The following FLNB variants were observed in gnomAD, a reference collection of about 807,000 sequenced individuals.
FLNB encodes filamin-B.
Under a neutral mutation model 250.6 loss-of-function variants are expected in FLNB, and 111 were observed. The ratio of observed to expected loss-of-function variants is 0.44; its 90% CI spans 0.38 to 0.52. The LOEUF is 0.52. Among genes scored for constraint, FLNB ranks in the 20% least tolerant of loss-of-function variants. The probability of loss-of-function intolerance (pLI) is 0.00; values close to 1 mark genes in which losing one functional copy is unlikely to be tolerated. For synonymous variants in FLNB, 1,302 were observed against 1,372.1 expected (o/e 0.95, Z 1.13); for missense variants, 2,869 against 3,447.8 (o/e 0.83, Z 4.20).
In FLNB at chr3:58,148,791, C is replaced by T. The variant is rs770306813; in HGVS notation, c.6030C>T (p.Arg2010=). The change falls in exon 36 of 46, where the codon CGC becomes CGT. Residue 2010 remains arginine, a synonymous_variant. Coordinates refer to ENST00000295956, the MANE Select transcript of FLNB (RefSeq NM_001457.4). Reference sequence around the variant, plus strand: ...CCCGCCGAGCCAAAGTCTATGGCCGCGGCCTGTCAGAAGGCCGGACTTTCG... The same window carrying T: ...CCCGCCGAGCCAAAGTCTATGGCCGTGGCCTGTCAGAAGGCCGGACTTTCG... The part of the protein sequence containing the change: ...GDARRAKVYG[R]GLSEGRTFEM... 44 of 1,613,916 alleles carry T rather than the reference C, an allele frequency of 2.7e-5. No homozygotes were observed. In the African/African-American group the frequency reaches 4.8e-4, roughly 18 times the overall value.
At chr3:58,141,359 C>A (rs1300999102) in intron 29 of FLNB, among the ~76,000 whole-genome samples, 1 of 152,220 alleles carries the variant, frequency 6.6e-6, no homozygotes, top group Non-Finnish European at 1.5e-5. Context: ...TACCTACTTA[C>A]ACTTCACACA....
At chr3:58,076,819 C>T (rs1444755769) in intron 1 of FLNB, among the ~76,000 whole-genome samples, 1 of 152,124 alleles carries the variant, frequency 6.6e-6, no homozygotes, top group African/African-American at 2.4e-5. Flanking sequence ...CTTACATGCT[C>T]ATGAACCCAT....
In FLNB at chr3:58,126,858, G is replaced by C. The variant is rs570736101; in HGVS notation, c.4222+96G>C. ...TCTCTCTGAGTGGGGAAAACAATCT[G>C]ATATTTGTAATAGCTGCAAAAGGAG... is the stretch of plus-strand genomic sequence containing the variant. On this transcript the variant is annotated intron_variant, in intron 24 of 45. Transcript: ENST00000295956. 3.5e-5 allele frequency: 39 copies of C among 1,125,124 alleles called. No homozygotes were observed. The African/African-American group carries it at 6.1e-4, about 18-fold the overall frequency. 69.7% of individuals were successfully genotyped at this position (1,125,124 alleles called of 1,614,324 possible).
chr3:58,169,449 G>C lies in FLNB; in HGVS notation c.7418-141G>C. 1 of 726,388 alleles carries C rather than the reference G, an allele frequency of 1.4e-6. No homozygotes were observed. Among genetic ancestry groups the C allele is most frequent in the Non-Finnish European group, 2.5e-6 (1 of 396,456 alleles). 45.0% of individuals were successfully genotyped at this position (726,388 alleles called of 1,614,324 possible). ...GGGGTTTAGAAGACATTATGGGTGT[G>C]AGATACAGGTGTGGTGGCTTTTGTG... On this transcript the variant is annotated intron_variant, in intron 44 of 45. Coordinates refer to ENST00000295956, the MANE Select transcript of FLNB (RefSeq NM_001457.4). The surrounding 1 kb of genome is among the most constrained non-coding windows in gnomAD (Gnocchi z 4.8).
At chr3:58,126,173 T>C (rs921299439) in intron 23 of FLNB, among the ~76,000 whole-genome samples, 10 of 152,154 alleles carry the variant, frequency 6.6e-5, no homozygotes, top group Non-Finnish European at 1.2e-4. Context: ...GGCCAGGAGT[T>C]TGAGACCAGC....
intron 11 of FLNB, among the ~76,000 whole-genome samples, chr3:58,106,469 TG>T (rs1253829537): frequency 1.1e-4 from 17 of 148,618 alleles, no homozygotes; most frequent in African/African-American, 4.2e-4. Context: ...GGCCTACATT[TG>T]AAAAAAAAAA....
chr3:58,143,683 T>A, intron 32 of FLNB, 70 bp downstream of exon 32: 8 of 1,588,312 alleles, frequency 5.0e-6, no homozygotes, highest in Non-Finnish European at 6.9e-6. Context: ...CAGACACTCC[T>A]CAGCCGCTTT....
chr3:58,142,566 A>G lies in FLNB; in HGVS notation c.5182-84A>G. On this transcript the variant is annotated intron_variant, in intron 30 of 45. Transcript: ENST00000295956. The surrounding 1 kb of genome is among the most constrained non-coding windows in gnomAD (Gnocchi z 4.3). Reference sequence around the variant, plus strand: ...AATCCCGGCCTCACTGGCTTGTAGAATTCCCAGCAGCTCTAACCCCTGTAG... The same window carrying G: ...AATCCCGGCCTCACTGGCTTGTAGAGTTCCCAGCAGCTCTAACCCCTGTAG... 1 of 1,195,568 alleles carries G rather than the reference A, an allele frequency of 8.4e-7. No homozygotes were observed. Among genetic ancestry groups the G allele is most frequent in the Admixed American group, 1.8e-5 (1 of 54,418 alleles). The allele number at this position is 1,195,568 out of a possible 1,614,324, so 74.1% of individuals were successfully genotyped here. A position where few individuals can be genotyped will look rare whatever the true frequency, so the allele number is the denominator to read the frequency against.
intron 1 of FLNB, among the ~76,000 whole-genome samples, chr3:58,027,431 G>A (rs1006639911): frequency 5.9e-5 from 9 of 152,012 alleles, no homozygotes; most frequent in Admixed American, 3.9e-4. Context: ...GTGAGCCACC[G>A]TGCCTGGCCT....
chr3:58,167,727 T>C (rs956378266), intron 43 of FLNB, among the ~76,000 whole-genome samples: 1 of 152,210 alleles, frequency 6.6e-6, no homozygotes, highest in African/African-American at 2.4e-5. Flanking sequence ...CACTTTCTGG[T>C]TGTGTAGCGT....
chr3:58,159,323 C>A (rs1418876127), intron 41 of FLNB, among the ~76,000 whole-genome samples: 1 of 152,204 alleles, frequency 6.6e-6, no homozygotes, highest in East Asian at 1.9e-4. Flanking sequence ...GCCCAGAAAT[C>A]ATCTCTTCTA....
chr3:58,149,784 C>G, intron 36 of FLNB, 66 bp from the exon 37 acceptor site: 1 of 1,597,954 alleles, frequency 6.3e-7, no homozygotes, highest in Non-Finnish European at 8.6e-7. Context: ...TGTCCTTTCT[C>G]CATTCATCAG....
intron 6 of FLNB, among the ~76,000 whole-genome samples, chr3:58,097,042 C>T (rs1334584302): frequency 6.6e-6 from 1 of 152,164 alleles, no homozygotes; most frequent in Admixed American, 6.5e-5. Flanking sequence ...GCTGAGAGAG[C>T]CTGTCTTGCA....
chr3:58,024,438 C>T (rs1035665593), intron 1 of FLNB, among the ~76,000 whole-genome samples: 2 of 152,162 alleles, frequency 1.3e-5, no homozygotes, highest in African/African-American at 4.8e-5. Flanking sequence ...CCACCAACCT[C>T]CTTTCTCTCT....
chr3:58,078,211 A>G lies in FLNB; in HGVS notation c.542-506A>G. 3.2e-6 allele frequency: 4 copies of G among 1,236,080 alleles called. No homozygotes were observed. The South Asian group carries it at 6.9e-5, about 21-fold the overall frequency. The allele number at this position is 1,236,080 out of a possible 1,614,324, so 76.6% of individuals were successfully genotyped here. On this transcript the variant is annotated intron_variant, in intron 2 of 45. Transcript: ENST00000295956. ...TCCTCTTCTTTACTTCCATTTAAGG[A>G]CACATTTTAGGATACCTCTTTCCAA...
chr3:58,014,757 C>T (rs1189281286), intron 1 of FLNB, among the ~76,000 whole-genome samples: 5 of 152,100 alleles, frequency 3.3e-5, no homozygotes, highest in Admixed American at 3.3e-4. Flanking sequence ...GAGATGGAGT[C>T]TTGCTCTGTC....
intron 1 of FLNB, among the ~76,000 whole-genome samples, chr3:58,015,666 T>A (rs998449926): frequency 7.2e-5 from 11 of 152,080 alleles, no homozygotes; most frequent in African/African-American, 2.7e-4. Context: ...CTGGGGACTT[T>A]GTTAAAAATG....
chr3:58,078,365 T>C, intron 2 of FLNB: 7 of 1,498,394 alleles, frequency 4.7e-6, no homozygotes, highest in Non-Finnish European at 6.2e-6. Context: ...CTAGACTTTT[T>C]AGATATATCC....
At chr3:58,136,209 C>T (rs755762932) in intron 28 of FLNB, 41 bp downstream of exon 28, 6 of 1,601,016 alleles carry the variant, frequency 3.7e-6, no homozygotes, top group Non-Finnish European at 4.3e-6. Flanking sequence ...ACAGGCTTTG[C>T]AATCAGAAAG....
Sources: allele counts gnomAD v4.1 joint callset (sites outside exome capture counted in the v4.1 genomes callset), GRCh38; gene constraint gnomAD v4.1.1; non-coding constraint Gnocchi (gnomAD v3.1); transcripts MANE v1.5; gene names NCBI Gene and HGNC (gene_info 2026-07-23, HGNC 2026-07-21).